IPO11: variants seen among roughly 807,000 people sequenced by gnomAD.
IPO11 encodes importin-11.
IPO11 carries 66 observed loss-of-function variants against 143.2 expected under a neutral mutation model. That is an observed-to-expected ratio of 0.46 (90% CI 0.38 to 0.57). IPO11 has a LOEUF of 0.57. IPO11 is among the 20% of genes least tolerant of loss of function. The pLI is 0.00. For missense variants in IPO11, 1,026 were observed against 1,141.0 expected (o/e 0.90, Z 1.45); for synonymous variants, 385 against 377.8 (o/e 1.02, Z -0.22).
At chr5:62,514,491 C>T (rs1200698908) in intron 19 of IPO11, among the ~76,000 whole-genome samples, 1 of 151,582 alleles carries the variant, frequency 6.6e-6, no homozygotes, top group East Asian at 1.9e-4. Context: ...ACTTGGCAGG[C>T]TGAGGCAGGA....
chr5:62,525,246 T>C (rs1460989319), intron 20 of IPO11, among the ~76,000 whole-genome samples: 4 of 152,206 alleles, frequency 2.6e-5, no homozygotes, highest in African/African-American at 9.7e-5. Context: ...TATACAGATA[T>C]CTAGATATTT....
chr5:62,545,619 AGC>A (rs1419274311), intron 24 of IPO11, among the ~76,000 whole-genome samples: 2 of 152,190 alleles, frequency 1.3e-5, no homozygotes, highest in African/African-American at 4.8e-5. Context: ...TAAACTAAAG[AGC>A]GCTTCTGCAC....
At chr5:62,526,093 A>T in intron 20 of IPO11, 49 bp from the exon 21 acceptor site, 2 of 1,205,738 alleles carry the variant, frequency 1.7e-6, no homozygotes, top group Non-Finnish European at 2.4e-6. Context: ...TTGGTGCGGG[A>T]TGGGACATTA....
At chr5:62,452,723 GGT>G (rs57057274) in intron 5 of IPO11, among the ~76,000 whole-genome samples, 6,229 of 135,264 alleles carry the variant, frequency 0.046, 197 homozygotes, top group South Asian at 0.082. Context: ...TTTTTGGTGG[GGT>G]GTGTGTGTGT....
At chr5:62,624,878 G>C (rs13185924) in intron 29 of IPO11, among the ~76,000 whole-genome samples, 107,743 of 151,474 alleles carry the variant, frequency 0.71, 38,964 homozygotes, top group African/African-American at 0.84. Context: ...CCAGCTACTC[G>C]GGAGGCTGAG....
In IPO11 at chr5:62,598,564, T is replaced by TGA. The variant is rs1351373602; in HGVS notation, c.2679-3200_2679-3199insGA. Reference sequence around the variant, plus strand: ...TCTTTCTTTTCTTTCTTTTTTTTTTTTATGGAGTCTTGCCCTGTTGCCCAG... The same window carrying TGA: ...TCTTTCTTTTCTTTCTTTTTTTTTTTGATATGGAGTCTTGCCCTGTTGCCCAG... On this transcript the variant is annotated intron_variant, in intron 28 of 29. Coordinates refer to ENST00000325324, the MANE Select transcript of IPO11 (RefSeq NM_016338.5). 5.4e-4 allele frequency among the ~76,000 whole-genome samples: 8 copies of TGA among 14,740 alleles called. 3 individuals carry two copies. Among genetic ancestry groups the TGA allele is most frequent in the African/African-American group, 3.8e-3 (3 of 784 alleles). The allele number at this position is 14,740 out of a possible 152,430, so 9.7% of individuals were successfully genotyped here. A position where few individuals can be genotyped will look rare whatever the true frequency, so the allele number is the denominator to read the frequency against.
At chr5:62,613,085 T>G (rs1387758887) in intron 29 of IPO11, among the ~76,000 whole-genome samples, 1 of 152,192 alleles carries the variant, frequency 6.6e-6, no homozygotes, top group Non-Finnish European at 1.5e-5. Context: ...TTTAATGTAC[T>G]TTTTCTTAAT....
intron 1 of IPO11, among the ~76,000 whole-genome samples, chr5:62,423,705 G>A (rs907470644): frequency 4.6e-5 from 7 of 152,154 alleles, no homozygotes; most frequent in African/African-American, 1.4e-4. Flanking sequence ...ATTGATAGAA[G>A]ATCTAGAAGC....
In IPO11 at chr5:62,449,948, AACT is replaced by A; in HGVS notation, c.265_267del (p.Thr89del). ...ACAGTGCTCTCTCAGAGGAGGAGAAAACTACTCTGCGTGCAGGGCTCATCACCA... is the reference window on the plus strand; with the variant it reads ...ACAGTGCTCTCTCAGAGGAGGAGAAAACTCTGCGTGCAGGGCTCATCACCA... On this transcript the variant is annotated inframe_deletion, in exon 4 of 30. Transcript: ENST00000325324. 6.3e-7 allele frequency: 1 copy of A among 1,589,722 alleles called. No individual in the cohort carries two copies. The highest frequency in any genetic ancestry group is 8.5e-7 in the Non-Finnish European group (1 of 1,169,998).
intron 21 of IPO11, among the ~76,000 whole-genome samples, chr5:62,528,973 G>C (rs1354356070): frequency 6.6e-6 from 1 of 152,002 alleles, no homozygotes; most frequent in East Asian, 1.9e-4. Flanking sequence ...TCAGTTACTA[G>C]GCTTTTCAAA....
At chr5:62,454,005 C>T (rs867905033) in intron 5 of IPO11, among the ~76,000 whole-genome samples, 5 of 151,946 alleles carry the variant, frequency 3.3e-5, no homozygotes, top group African/African-American at 9.7e-5. Context: ...CGTGGTGGCA[C>T]GCGCCTGTAG....
chr5:62,603,067 G>A (rs1745564579), intron 29 of IPO11, among the ~76,000 whole-genome samples: 1 of 152,136 alleles, frequency 6.6e-6, no homozygotes, highest in Admixed American at 6.6e-5. Context: ...ACTGTAACTT[G>A]AAGCAGAAAA....
chr5:62,519,003 A>G (rs1045142997), intron 20 of IPO11, among the ~76,000 whole-genome samples: 1 of 152,178 alleles, frequency 6.6e-6, no homozygotes, highest in Non-Finnish European at 1.5e-5. Flanking sequence ...ACATATTGCT[A>G]TTGGGGGTAC....
intron 28 of IPO11, among the ~76,000 whole-genome samples, chr5:62,592,767 C>T (rs924138359): frequency 3.9e-5 from 6 of 152,038 alleles, no homozygotes; most frequent in Non-Finnish European, 7.4e-5. Context: ...AGGGGAAAAA[C>T]CCCTTATGAA....
At chr5:62,521,465 A>G (rs1471039682) in intron 20 of IPO11, among the ~76,000 whole-genome samples, 5 of 151,824 alleles carry the variant, frequency 3.3e-5, no homozygotes, top group African/African-American at 1.2e-4. Context: ...TCTTGAATGT[A>G]TTACCCCTCC....
intron 6 of IPO11, among the ~76,000 whole-genome samples, chr5:62,469,474 C>T (rs1334222667): frequency 6.6e-6 from 1 of 152,118 alleles, no homozygotes; most frequent in Non-Finnish European, 1.5e-5. Flanking sequence ...AGGTATAATT[C>T]TTTAGTACTG....
chr5:62,524,947 T>C (rs1742319946), intron 20 of IPO11, among the ~76,000 whole-genome samples: 1 of 152,208 alleles, frequency 6.6e-6, no homozygotes, highest in Non-Finnish European at 1.5e-5. Context: ...TTTTACAGAT[T>C]GACTTTTTAC....
intron 27 of IPO11, among the ~76,000 whole-genome samples, chr5:62,570,331 T>G (rs916372437): frequency 1.3e-5 from 2 of 152,180 alleles, no homozygotes; most frequent in Non-Finnish European, 2.9e-5. Flanking sequence ...AGTCCCACAC[T>G]TTTTGAAGTA....
At chr5:62,566,604 G>C (rs1223894478) in intron 27 of IPO11, among the ~76,000 whole-genome samples, 2 of 151,710 alleles carry the variant, frequency 1.3e-5, no homozygotes, top group African/African-American at 4.8e-5. Flanking sequence ...TGGGTATGGT[G>C]GTGCATGCCT....
Sources: gnomAD v4.1 joint callset for allele counts (sites outside exome capture counted in the v4.1 genomes callset) on GRCh38, gnomAD v4.1.1 for gene constraint, MANE v1.5 for transcripts, NCBI Gene and HGNC (gene_info 2026-07-23, HGNC 2026-07-21) for gene names.